The following DLG1 variants were observed in gnomAD, a reference collection of about 807,000 sequenced individuals.
The protein encoded by DLG1 is disks large homolog 1.
In DLG1, 42 loss-of-function variants were observed where a neutral mutation model predicts 123.4. That is an observed-to-expected ratio of 0.34 (90% CI 0.27 to 0.44). The LOEUF (loss-of-function observed/expected upper bound fraction) is 0.44, where lower values mean the gene tolerates loss of function less well. Ranked by LOEUF, DLG1 falls within the 20% of genes least tolerant of loss-of-function variation. The pLI is 1.00. For missense variants in DLG1, 942 were observed against 1,082.6 expected (o/e 0.87, Z 1.82); for synonymous variants, 317 against 356.2 (o/e 0.89, Z 1.24).
chr3:197,253,033 G>C (rs1206203024), intron 4 of DLG1, among the ~76,000 whole-genome samples: 2 of 152,106 alleles, frequency 1.3e-5, no homozygotes, highest in East Asian at 3.8e-4. Context: ...GTTAGGCAAA[G>C]AGTTATGAGA....
chr3:197,051,756 G>A, intron 23 of DLG1, 88 bp from the exon 24 acceptor site: 44 of 832,708 alleles, frequency 5.3e-5, no homozygotes, highest in South Asian at 2.8e-4. Context: ...ACATAAAATA[G>A]AAAATCATGA....
chr3:197,095,510 A>G lies in DLG1; in HGVS notation c.1547-4484T>C, dbSNP rs192297825. On this transcript the variant is annotated intron_variant, in intron 14 of 24. Coordinates refer to ENST00000667157, the MANE Select transcript of DLG1 (RefSeq NM_001366207.1). ...CAATTTGGGTTTGCCTGAAGTTCCC[A>G]CACAATTAGATTGAAGTTATCCAAC... is the stretch of plus-strand genomic sequence containing the variant. 9.4e-4 allele frequency among the ~76,000 whole-genome samples: 143 copies of G among 152,232 alleles called. 1 individual carries two copies. The highest frequency in any genetic ancestry group is 3.1e-3 in the African/African-American group (129 of 41,520).
intron 11 of DLG1, among the ~76,000 whole-genome samples, chr3:197,129,288 T>A (rs577756678): frequency 6.6e-6 from 1 of 152,342 alleles, no homozygotes; most frequent in East Asian, 1.9e-4. Context: ...TGCTTTACCT[T>A]GCACTTTCAT....
At chr3:197,206,120 A>AG (rs2150362252) in intron 4 of DLG1, among the ~76,000 whole-genome samples, 1 of 152,232 alleles carries the variant, frequency 6.6e-6, no homozygotes, top group East Asian at 1.9e-4. Context: ...GACATCTTTG[A>AG]GGGGGGCAGA....
intron 23 of DLG1, among the ~76,000 whole-genome samples, chr3:197,059,128 T>C (rs956583631): frequency 1.3e-5 from 2 of 152,196 alleles, no homozygotes; most frequent in African/African-American, 4.8e-5. Context: ...GGTTTCACCG[T>C]GTTGGCCAGG....
chr3:197,108,626 GTAA>G (rs929026967), intron 13 of DLG1, among the ~76,000 whole-genome samples: 20 of 152,002 alleles, frequency 1.3e-4, no homozygotes, highest in Non-Finnish European at 2.8e-4. Context: ...TTCGCCTTTA[GTAA>G]TAATGTTTTT....
intron 11 of DLG1, among the ~76,000 whole-genome samples, chr3:197,124,097 T>C (rs1291503911): frequency 6.6e-6 from 1 of 152,032 alleles, no homozygotes; most frequent in East Asian, 1.9e-4. Flanking sequence ...TTTTAAAAAT[T>C]AGCTGGGCAT....
In DLG1 at chr3:197,115,987, G is replaced by C. The variant is rs1163879679; in HGVS notation, c.1383C>G (p.Ile461Met). 1.2e-6 allele frequency: 2 copies of C among 1,613,006 alleles called. No individual in the cohort carries two copies. Among genetic ancestry groups the C allele is most frequent in the Non-Finnish European group, 8.5e-7 (1 of 1,179,640 alleles). Residue 461 changes from isoleucine to methionine, a missense_variant, in exon 13 of 25, where the codon ATC becomes ATG. Coordinates refer to ENST00000667157, the MANE Select transcript of DLG1 (RefSeq NM_001366207.1). ...TTAGATCAGCAGGTCCTCCGGCTAA[G>C]ATAAAGGAAATAAATATTCCTTCTC... Reference protein sequence around the residue: ...EDGEGIFISFILAGGPADLSG... With the variant: ...EDGEGIFISFMLAGGPADLSG...
intron 5 of DLG1, among the ~76,000 whole-genome samples, chr3:197,152,931 T>C (rs115246850): frequency 1.3e-5 from 2 of 152,120 alleles, no homozygotes; most frequent in African/African-American, 4.8e-5. Context: ...TTAAAAATCG[T>C]GTTAAAATAC....
intron 4 of DLG1, among the ~76,000 whole-genome samples, chr3:197,246,168 G>T (rs1454750433): frequency 6.6e-6 from 1 of 152,168 alleles, no homozygotes; most frequent in East Asian, 1.9e-4. Context: ...TTCTGCGACA[G>T]CTTCCCCATC....
At position 197,296,944 on chromosome 3, in the gene DLG1, G is replaced by C. The variant is rs558872118; in HGVS notation, c.19+242C>G. On this transcript the variant is annotated intron_variant, in intron 2 of 24. Transcript: ENST00000667157. ...AAAACACCAATTCAGGGTTATTAAG[G>C]ACATCTGTTGGGGGGGGGCTAACTG... 13 of 490,112 alleles carry C rather than the reference G, an allele frequency of 2.7e-5. No homozygotes were observed. The East Asian group carries it at 4.9e-4, about 19-fold the overall frequency. 30.4% of individuals were successfully genotyped at this position (490,112 alleles called of 1,614,324 possible). A position where few individuals can be genotyped will look rare whatever the true frequency, so the allele number is the denominator to read the frequency against.
intron 3 of DLG1, among the ~76,000 whole-genome samples, chr3:197,287,149 C>T (rs1371694143): frequency 2.0e-5 from 3 of 151,850 alleles, no homozygotes; most frequent in African/African-American, 4.8e-5. Context: ...GGATTACATG[C>T]GTTGAGCCAC....
intron 4 of DLG1, among the ~76,000 whole-genome samples, chr3:197,201,686 GAA>G (rs1245561820): frequency 6.6e-6 from 1 of 151,996 alleles, no homozygotes. Flanking sequence ...CAAACAAATG[GAA>G]AAACACCCAT....
intron 10 of DLG1, 146 bp from the exon 11 acceptor site, chr3:197,130,817 A>C: frequency 1.6e-6 from 1 of 608,104 alleles, no homozygotes; most frequent in East Asian, 2.9e-5. Flanking sequence ...TTTGATGTCT[A>C]TGATCTCAGT....
intron 4 of DLG1, among the ~76,000 whole-genome samples, chr3:197,224,303 TAC>T (rs1446341732): frequency 6.6e-6 from 1 of 152,204 alleles, no homozygotes; most frequent in Non-Finnish European, 1.5e-5. Context: ...AATGCCATGT[TAC>T]TTCTTAAAAC....
chr3:197,047,165 A>G (rs1650803656), intron 24 of DLG1, among the ~76,000 whole-genome samples: 1 of 152,194 alleles, frequency 6.6e-6, no homozygotes, highest in Non-Finnish European at 1.5e-5. Context: ...TGAGACATAT[A>G]ATTATTAAAT....
In DLG1 at chr3:197,297,404, G is replaced by C. The variant is rs547232698; in HGVS notation, c.-31-169C>G. The C allele has an allele frequency of 9.9e-5, 141 of 1,430,722 alleles. No homozygotes were observed. The African/African-American group carries it at 1.7e-3, about 18-fold the overall frequency. The allele number at this position is 1,430,722 out of a possible 1,614,324, so 88.6% of individuals were successfully genotyped here. A position where few individuals can be genotyped will look rare whatever the true frequency, so the allele number is the denominator to read the frequency against. ...CAGCAGTTGTCTGTCAACGTGGAAA[G>C]CTTTTCCTTGGAGTGGGTACCCCTC... is the stretch of plus-strand genomic sequence containing the variant. On this transcript the variant is annotated intron_variant, in intron 1 of 24. Transcript: ENST00000667157.
Position 197,296,328 on chromosome 3 carries a change from C to G in DLG1, c.151+18G>C, listed in dbSNP as rs201788092. On this transcript the variant is annotated intron_variant, in intron 3 of 24. Transcript: ENST00000667157. ...TAAAGCCTAGCTGGCATAATAGTTA[C>G]GAAGTTTTAATTCCCACCTATTAAA... 17 of 1,608,428 alleles carry G rather than the reference C, an allele frequency of 1.1e-5. No homozygotes were observed. The highest frequency in any genetic ancestry group is 1.2e-5 in the Non-Finnish European group (14 of 1,175,620).
At chr3:197,230,757 T>C (rs1035745443) in intron 4 of DLG1, among the ~76,000 whole-genome samples, 4 of 152,186 alleles carry the variant, frequency 2.6e-5, no homozygotes, top group African/African-American at 7.2e-5. Flanking sequence ...ACAATTGTAA[T>C]TCCTACAGAG....
Sources: gnomAD v4.1 joint callset for allele counts (sites outside exome capture counted in the v4.1 genomes callset) on GRCh38, gnomAD v4.1.1 for gene constraint, MANE v1.5 for transcripts, NCBI Gene and HGNC (gene_info 2026-07-23, HGNC 2026-07-21) for gene names.